Variants in NEK10 observed in about 807,000 individuals in gnomAD.
The protein encoded by NEK10 is NIMA related kinase 10.
Under a neutral mutation model 159.8 loss-of-function variants are expected in NEK10, and 122 were observed. The observed-to-expected ratio is 0.76, with a 90% confidence interval of 0.66 to 0.89. NEK10 has a LOEUF of 0.89. Ranked by LOEUF, NEK10 falls within the 40% of genes least tolerant of loss-of-function variation. NEK10 has a pLI of 0.00. For missense variants in NEK10, 1,342 were observed against 1,323.1 expected (o/e 1.01, Z -0.22); for synonymous variants, 466 against 457.1 (o/e 1.02, Z -0.25).
intron 26 of NEK10, among the ~76,000 whole-genome samples, chr3:27,186,192 C>A (rs1199368981): frequency 1.3e-5 from 2 of 152,298 alleles, no homozygotes; most frequent in Non-Finnish European, 2.9e-5. Flanking sequence ...TGATCTCCAG[C>A]AAATGGGTGT....
At chr3:27,136,721 G>T (rs73036909) in intron 31 of NEK10, among the ~76,000 whole-genome samples, 4,189 of 152,254 alleles carry the variant, frequency 0.028, 77 homozygotes, top group South Asian at 0.043. Context: ...AGAAAGCAAG[G>T]TAAGGATTTT....
chr3:27,136,407 C>T (rs548657587), intron 31 of NEK10, among the ~76,000 whole-genome samples: 2 of 152,138 alleles, frequency 1.3e-5, no homozygotes, highest in East Asian at 1.9e-4. Context: ...CCACCGCGCC[C>T]GGCCCCAATG....
At chr3:27,160,191 C>T (rs1019554668) in intron 30 of NEK10, among the ~76,000 whole-genome samples, 7 of 152,170 alleles carry the variant, frequency 4.6e-5, no homozygotes, top group Non-Finnish European at 1.0e-4. Context: ...GTATAACTCG[C>T]TACTGACAGG....
intron 12 of NEK10, among the ~76,000 whole-genome samples, chr3:27,302,116 C>G (rs967370626): frequency 4.6e-5 from 7 of 152,160 alleles, no homozygotes; most frequent in Non-Finnish European, 1.0e-4. Flanking sequence ...GGAGTTGATT[C>G]ACCTGAATAC....
intron 29 of NEK10, among the ~76,000 whole-genome samples, chr3:27,169,182 T>G (rs1946735398): frequency 6.6e-6 from 1 of 152,144 alleles, no homozygotes; most frequent in Non-Finnish European, 1.5e-5. Flanking sequence ...TAATTGGGAG[T>G]ACATCATATA....
At chr3:27,261,844 T>C (rs1461272959) in intron 22 of NEK10, among the ~76,000 whole-genome samples, 1 of 152,174 alleles carries the variant, frequency 6.6e-6, no homozygotes, top group Admixed American at 6.5e-5. Context: ...CCCACTATTA[T>C]TGTGTGGGAG....
At chr3:27,195,285 T>C (rs1181010716) in intron 25 of NEK10, among the ~76,000 whole-genome samples, 1 of 152,226 alleles carries the variant, frequency 6.6e-6, no homozygotes, top group Non-Finnish European at 1.5e-5. Context: ...TAAGAATACT[T>C]GCCTTTATGT....
chr3:27,233,727 C>T lies in NEK10; in HGVS notation c.2090+22569G>A, dbSNP rs560066984. Among the ~76,000 whole-genome samples the T allele has an allele frequency of 2.6e-5, 4 of 152,068 alleles. No individual in the cohort carries two copies. The East Asian group carries it at 5.8e-4, about 22-fold the overall frequency. On this transcript the variant is annotated intron_variant, in intron 23 of 35. Coordinates refer to ENST00000691995, the MANE Select transcript of NEK10 (RefSeq NM_001394966.1). ...TGGTACCATTCCTACTGAAACTATTCCAAAAAATTTTAAAGGAGGAACTCT... is the reference window on the plus strand; with the variant it reads ...TGGTACCATTCCTACTGAAACTATTTCAAAAAATTTTAAAGGAGGAACTCT...
chr3:27,246,046 A>G (rs1955022020), intron 23 of NEK10, among the ~76,000 whole-genome samples: 1 of 152,186 alleles, frequency 6.6e-6, no homozygotes, highest in Admixed American at 6.5e-5. Flanking sequence ...GAATATAGAG[A>G]CTGAAGATAA....
At position 27,293,650 on chromosome 3, in the gene NEK10, A is replaced by C. The variant is rs188865423; in HGVS notation, c.1311T>G (p.Cys437Trp). 119 of 1,529,672 alleles carry C rather than the reference A, an allele frequency of 7.8e-5. 1 individual carries two copies. The African/African-American group carries it at 1.5e-3, about 19-fold the overall frequency. 94.8% of individuals were successfully genotyped at this position (1,529,672 alleles called of 1,614,324 possible). Reference sequence around the variant, plus strand: ...GAAATCTCAAGGCTCTGAAAGCATAACACTAGAAAACAAAAGGATATGTGA... The same window carrying C: ...GAAATCTCAAGGCTCTGAAAGCATACCACTAGAAAACAAAAGGATATGTGA... ...KNAAKSNLLQ[C>W]YAFRALRFLF... is the part of the protein sequence containing the mutation. Residue 437 changes from cysteine (C) to tryptophan (W), a missense_variant and splice_region_variant, in exon 16 of 36, where the codon TGT becomes TGG. By Grantham distance (215) the Cys-to-Trp change is radical. Transcript: ENST00000691995.
chr3:27,357,753 A>T (rs1386057952), intron 1 of NEK10, among the ~76,000 whole-genome samples: 1 of 152,202 alleles, frequency 6.6e-6, no homozygotes, highest in Non-Finnish European at 1.5e-5. Context: ...TTTAAGTAAC[A>T]AAACTGTTTT....
chr3:27,285,440 T>G (rs1482009582), intron 20 of NEK10, among the ~76,000 whole-genome samples: 1 of 151,796 alleles, frequency 6.6e-6, no homozygotes, highest in Non-Finnish European at 1.5e-5. Flanking sequence ...AATTTTACAC[T>G]GGAATAATGC....
At chr3:27,194,324 T>A (rs1180202261) in intron 25 of NEK10, 1 of 152,076 alleles carries the variant, frequency 6.6e-6, no homozygotes, top group Non-Finnish European at 1.5e-5. Context: ...AGACGGGGTT[T>A]CATCGTGGTC....
At chr3:27,290,467 A>C in intron 19 of NEK10, 150 bp downstream of exon 19, 2 of 570,588 alleles carry the variant, frequency 3.5e-6, no homozygotes, top group Admixed American at 7.3e-5. Flanking sequence ...AGCCTTAGGA[A>C]AAAAGCTGGC....
intron 23 of NEK10, among the ~76,000 whole-genome samples, chr3:27,213,915 C>G (rs1314693142): frequency 6.6e-6 from 1 of 152,164 alleles, no homozygotes; most frequent in Non-Finnish European, 1.5e-5. Flanking sequence ...AGGTCTTTTT[C>G]TGATCCTGAA....
chr3:27,198,620 C>A (rs1309122664), intron 25 of NEK10, among the ~76,000 whole-genome samples: 1 of 150,490 alleles, frequency 6.6e-6, no homozygotes, highest in Non-Finnish European at 1.5e-5. Context: ...TTACAAAAAT[C>A]TGAACTGAAC....
chr3:27,200,460 C>G (rs141357200), intron 25 of NEK10, among the ~76,000 whole-genome samples: 3 of 152,192 alleles, frequency 2.0e-5, no homozygotes, highest in African/African-American at 7.2e-5. Flanking sequence ...CTTAAGTACT[C>G]AAGATGCAAC....
At position 27,131,874 on chromosome 3, in the gene NEK10, C is replaced by T. The variant is rs771245623; in HGVS notation, c.3081+6G>A. Reference sequence around the variant, plus strand: ...CAAAAGAATTCCTATATATAGAATACCATACCTTTTTAATTTCAGATTTCA... The same window carrying T: ...CAAAAGAATTCCTATATATAGAATATCATACCTTTTTAATTTCAGATTTCA... On this transcript the variant is annotated splice_donor_region_variant and intron_variant, in intron 32 of 35. Transcript: ENST00000691995. The T allele has an allele frequency of 1.4e-5, 21 of 1,491,602 alleles. No individual in the cohort carries two copies. The South Asian group carries it at 2.3e-4, about 16-fold the overall frequency. The allele number at this position is 1,491,602 out of a possible 1,614,324, so 92.4% of individuals were successfully genotyped here. A position where few individuals can be genotyped will look rare whatever the true frequency, so the allele number is the denominator to read the frequency against.
At chr3:27,195,462 T>C (rs1235361154) in intron 25 of NEK10, among the ~76,000 whole-genome samples, 1 of 152,238 alleles carries the variant, frequency 6.6e-6, no homozygotes, top group Non-Finnish European at 1.5e-5. Context: ...GATAAAACTT[T>C]ATTTGGAATG....
Sources: allele counts gnomAD v4.1 joint callset (sites outside exome capture counted in the v4.1 genomes callset), GRCh38; gene constraint gnomAD v4.1.1; transcripts MANE v1.5; gene names NCBI Gene and HGNC (gene_info 2026-07-23, HGNC 2026-07-21).